The following THADA variants were observed in gnomAD, a reference collection of about 807,000 sequenced individuals.
THADA encodes THADA armadillo repeat containing, also known as tRNA (32-2'-O)-methyltransferase regulator THADA.
In THADA, 213 loss-of-function variants were observed where a neutral mutation model predicts 219.8. The ratio of observed to expected loss-of-function variants is 0.97; its 90% CI spans 0.87 to 1.09. The LOEUF (loss-of-function observed/expected upper bound fraction) is 1.09. THADA is among the 50% of genes least tolerant of loss of function. THADA has a pLI of 0.00. For synonymous variants in THADA, 1,018 were observed against 828.9 expected (o/e 1.23, Z -3.92); for missense variants, 2,956 against 2,311.3 (o/e 1.28, Z -5.72).
At chr2:43,391,682 C>G (rs1371805116) in intron 29 of THADA, 1 of 152,040 alleles carries the variant, frequency 6.6e-6, no homozygotes, top group African/African-American at 2.4e-5. Context: ...CTTTGGCACT[C>G]TGGGATAAAA....
At chr2:43,483,009 A>G (rs2105005088) in intron 26 of THADA, among the ~76,000 whole-genome samples, 1 of 152,294 alleles carries the variant, frequency 6.6e-6, no homozygotes, top group Non-Finnish European at 1.5e-5. Flanking sequence ...CCTAGAAACC[A>G]GGTTTGTTTA....
At chr2:43,368,080 T>G (rs750990285) in intron 29 of THADA, among the ~76,000 whole-genome samples, 2 of 152,152 alleles carry the variant, frequency 1.3e-5, no homozygotes, top group Non-Finnish European at 2.9e-5. Context: ...ATCACGCCAT[T>G]GCACTCCAGC....
At chr2:43,584,642 G>A (rs1423568254) in intron 7 of THADA, among the ~76,000 whole-genome samples, 1 of 152,160 alleles carries the variant, frequency 6.6e-6, no homozygotes, top group Non-Finnish European at 1.5e-5. Context: ...AATAACAATA[G>A]TATTTCAGAA....
intron 25 of THADA, among the ~76,000 whole-genome samples, chr2:43,496,854 T>C (rs1371266654): frequency 7.9e-5 from 12 of 152,126 alleles, no homozygotes; most frequent in Non-Finnish European, 7.4e-5. Flanking sequence ...TTATAATTCA[T>C]TGCAGCATTA....
At chr2:43,282,140 G>A (rs540683059) in intron 35 of THADA, among the ~76,000 whole-genome samples, 106 of 152,278 alleles carry the variant, frequency 7.0e-4, no homozygotes, top group African/African-American at 2.5e-3. Flanking sequence ...CATTTTACCT[G>A]TTATAAGCTA....
intron 16 of THADA, among the ~76,000 whole-genome samples, chr2:43,557,513 T>C (rs1380489025): frequency 6.6e-6 from 1 of 152,188 alleles, no homozygotes; most frequent in African/African-American, 2.4e-5. Flanking sequence ...GAAAACAAAG[T>C]GATCAATTCA....
At chr2:43,526,616 G>A (rs1232029904) in intron 22 of THADA, among the ~76,000 whole-genome samples, 4 of 151,964 alleles carry the variant, frequency 2.6e-5, no homozygotes, top group African/African-American at 4.8e-5. Context: ...CAAGTGTGTC[G>A]GTCTTACTTC....
intron 12 of THADA, 101 bp downstream of exon 12, chr2:43,572,713 C>T: frequency 9.4e-7 from 1 of 1,069,518 alleles, no homozygotes. Flanking sequence ...TTTATGAACT[C>T]CCTAAAACAG....
At chr2:43,286,860 T>C (rs757221769) in intron 35 of THADA, 48 bp downstream of exon 35, 2 of 1,582,074 alleles carry the variant, frequency 1.3e-6, no homozygotes, top group South Asian at 2.3e-5. Flanking sequence ...TATCTATTCA[T>C]ATTTTAAGTG....
intron 30 of THADA, among the ~76,000 whole-genome samples, chr2:43,340,013 C>A (rs1666903461): frequency 3.3e-5 from 5 of 152,148 alleles, no homozygotes; most frequent in Admixed American, 2.0e-4. Context: ...GGTGATTCCT[C>A]TCTCATGATG....
chr2:43,248,158 TATATATAGAGAGAG>T (rs1256076639), intron 36 of THADA, among the ~76,000 whole-genome samples: 79 of 65,166 alleles, frequency 1.2e-3, no homozygotes, highest in South Asian at 1.8e-3. Flanking sequence ...TATATATATA[TATATATAGAGAGAG>T]AGAGAGAGAG....
chr2:43,581,939 G>C lies in THADA; in HGVS notation c.534-11C>G. On this transcript the variant is annotated splice_polypyrimidine_tract_variant and intron_variant, in intron 7 of 37. Coordinates refer to ENST00000405975, the MANE Select transcript of THADA (RefSeq NM_022065.5). ...TTTCCAGCACATTTTCTATAAAGAA[G>C]AAAAGACATTATTACAAAAGGAAAT... The C allele has an allele frequency of 6.6e-7, 1 of 1,506,386 alleles. No homozygotes were observed. The highest frequency in any genetic ancestry group is 1.4e-5 in the African/African-American group (1 of 70,200). 93.3% of individuals were successfully genotyped at this position (1,506,386 alleles called of 1,614,324 possible). A position where few individuals can be genotyped will look rare whatever the true frequency, so the allele number is the denominator to read the frequency against.
At chr2:43,484,940 T>TA (rs1185045428) in intron 26 of THADA, among the ~76,000 whole-genome samples, 3,496 of 129,880 alleles carry the variant, frequency 0.027, 126 homozygotes, top group African/African-American at 0.091. Flanking sequence ...AAGATGCAAT[T>TA]AAAAAAAAAA....
chr2:43,589,286 G>C (rs929152250), intron 4 of THADA, among the ~76,000 whole-genome samples: 14 of 152,094 alleles, frequency 9.2e-5, no homozygotes, highest in Admixed American at 8.5e-4. Flanking sequence ...AGAATATTAA[G>C]CCTTATAAGA....
At chr2:43,548,239 G>C (rs1359238252) in intron 20 of THADA, among the ~76,000 whole-genome samples, 1 of 152,228 alleles carries the variant, frequency 6.6e-6, no homozygotes, top group East Asian at 1.9e-4. Flanking sequence ...TTGTCTCAGA[G>C]GGGTACCCGG....
intron 15 of THADA, chr2:43,562,294 G>C (rs1698160957): frequency 6.6e-6 from 1 of 152,052 alleles, no homozygotes; most frequent in African/African-American, 2.4e-5. Context: ...GCCCAGGCTG[G>C]AGTACAATGG....
intron 36 of THADA, among the ~76,000 whole-genome samples, chr2:43,239,797 C>T (rs1668429347): frequency 6.6e-6 from 1 of 152,212 alleles, no homozygotes; most frequent in African/African-American, 2.4e-5. Context: ...AATCCCTCAG[C>T]TTTAGGGGAC....
chr2:43,297,381 G>A (rs1483546010), intron 31 of THADA, among the ~76,000 whole-genome samples: 60 of 87,456 alleles, frequency 6.9e-4, no homozygotes, highest in South Asian at 2.2e-3. Context: ...CTCTCTGCCC[G>A]GCAGCCACCC....
chr2:43,450,704 A>C (rs894755847), intron 26 of THADA, among the ~76,000 whole-genome samples: 10 of 152,246 alleles, frequency 6.6e-5, no homozygotes, highest in African/African-American at 2.4e-4. Flanking sequence ...ATAAAAAAAA[A>C]CATGATCCAA....
Sources: allele counts gnomAD v4.1 joint callset (sites outside exome capture counted in the v4.1 genomes callset), GRCh38; gene constraint gnomAD v4.1.1; transcripts MANE v1.5; gene names NCBI Gene and HGNC (gene_info 2026-07-23, HGNC 2026-07-21).